Variants in CRIM1 observed in about 807,000 individuals in gnomAD.
CRIM1 encodes the protein cysteine rich transmembrane BMP regulator 1.
In CRIM1, 32 loss-of-function variants were observed where a neutral mutation model predicts 116.4. The ratio of observed to expected loss-of-function variants is 0.27; its 90% confidence interval spans 0.21 to 0.37. CRIM1 has a LOEUF of 0.37. Among genes scored for constraint, CRIM1 ranks in the 10% least tolerant of loss-of-function variants. The pLI, the probability that CRIM1 is intolerant of heterozygous loss-of-function variation, is 1.00. For synonymous variants in CRIM1, 590 were observed against 509.2 expected (o/e 1.16, Z -2.13); for missense variants, 1,331 against 1,354.8 (o/e 0.98, Z 0.28).
chr2:36,450,895 C>A (rs1189728623), intron 4 of CRIM1, among the ~76,000 whole-genome samples: 3 of 152,168 alleles, frequency 2.0e-5, no homozygotes, highest in Non-Finnish European at 4.4e-5. Context: ...CACACTGTTT[C>A]TTGTGAATAG....
chr2:36,492,470 CA>C (rs1558365476), intron 7 of CRIM1, among the ~76,000 whole-genome samples: 1 of 151,844 alleles, frequency 6.6e-6, no homozygotes. Context: ...TTTGTATCTT[CA>C]ATTTTTTTTT....
intron 1 of CRIM1, among the ~76,000 whole-genome samples, chr2:36,357,839 G>T (rs919569262): frequency 6.6e-6 from 1 of 152,180 alleles, no homozygotes; most frequent in Non-Finnish European, 1.5e-5. Context: ...GGTTTATTCC[G>T]AAGCATCTTT....
At chr2:36,366,742 G>A (rs1249343405) in intron 1 of CRIM1, among the ~76,000 whole-genome samples, 1 of 152,182 alleles carries the variant, frequency 6.6e-6, no homozygotes, top group Non-Finnish European at 1.5e-5. Context: ...TTATCCAAAG[G>A]CCACAGCAAA....
chr2:36,520,620 C>G (rs1254233685), intron 12 of CRIM1, among the ~76,000 whole-genome samples: 1 of 152,174 alleles, frequency 6.6e-6, no homozygotes, highest in African/African-American at 2.4e-5. Flanking sequence ...TGCCTGCTGC[C>G]TTTGGGACTA....
chr2:36,469,135 A>G (rs574258704), intron 5 of CRIM1, among the ~76,000 whole-genome samples: 13 of 152,140 alleles, frequency 8.5e-5, no homozygotes, highest in Non-Finnish European at 1.9e-4. Context: ...TCACAGCTCT[A>G]AACAAGTCAT....
At chr2:36,504,781 CCT>C in intron 8 of CRIM1, among the ~76,000 whole-genome samples, 1 of 152,242 alleles carries the variant, frequency 6.6e-6, no homozygotes, top group East Asian at 1.9e-4. Context: ...ACGTAATATA[CCT>C]GCTTACTACA....
At position 36,364,829 on chromosome 2, in the gene CRIM1, A is replaced by C. The variant is rs146807016; in HGVS notation, c.331+8206A>C. Among the ~76,000 whole-genome samples the C allele has an allele frequency of 2.0e-4, 31 of 152,224 alleles. No individual in the cohort carries two copies. The East Asian group carries it at 6.0e-3, about 29-fold the overall frequency. ...ATATGATTACATAGATGTATATATAAGATTGTGTGTGTGTGTGTATAGTAT... is the reference window on the plus strand; with the variant it reads ...ATATGATTACATAGATGTATATATACGATTGTGTGTGTGTGTGTATAGTAT... On this transcript the variant is annotated intron_variant, in intron 1 of 16. Transcript: ENST00000280527.
At chr2:36,545,434 T>C (rs1667252592) in intron 15 of CRIM1, among the ~76,000 whole-genome samples, 1 of 152,188 alleles carries the variant, frequency 6.6e-6, no homozygotes, top group South Asian at 2.1e-4. Flanking sequence ...GACTTCAACA[T>C]ACTGTAAGTA....
chr2:36,450,804 A>G (rs938711112), intron 4 of CRIM1, among the ~76,000 whole-genome samples: 4 of 152,256 alleles, frequency 2.6e-5, no homozygotes, highest in African/African-American at 4.8e-5. Context: ...AGCTGCTTCA[A>G]TTTGAAATTG....
intron 1 of CRIM1, among the ~76,000 whole-genome samples, chr2:36,381,660 G>A (rs1244702746): frequency 1.3e-5 from 2 of 152,304 alleles, no homozygotes; most frequent in Admixed American, 1.3e-4. Context: ...AGTGGCTCGT[G>A]CCTGTAATCC....
chr2:36,545,499 C>A (rs1667260718), intron 15 of CRIM1, among the ~76,000 whole-genome samples: 1 of 152,098 alleles, frequency 6.6e-6, no homozygotes, highest in African/African-American at 2.4e-5. Context: ...TGTTATAAAG[C>A]CCCTAAAGAG....
chr2:36,488,913 C>G (rs954670850), intron 7 of CRIM1, among the ~76,000 whole-genome samples: 1 of 152,138 alleles, frequency 6.6e-6, no homozygotes, highest in Non-Finnish European at 1.5e-5. Flanking sequence ...TTCACATTGG[C>G]TGCCGGAGCA....
At chr2:36,497,383 C>G (rs1680675463) in intron 7 of CRIM1, among the ~76,000 whole-genome samples, 1 of 152,108 alleles carries the variant, frequency 6.6e-6, no homozygotes, top group Non-Finnish European at 1.5e-5. Context: ...TTTGACAAAA[C>G]ATTGGCAGTC....
At chr2:36,490,276 G>C (rs1181099039) in intron 7 of CRIM1, among the ~76,000 whole-genome samples, 1 of 152,150 alleles carries the variant, frequency 6.6e-6, no homozygotes, top group Non-Finnish European at 1.5e-5. Context: ...TTACAGTATA[G>C]TCTTTTCTTG....
intron 10 of CRIM1, chr2:36,513,318 T>C: frequency 2.0e-6 from 1 of 508,454 alleles, no homozygotes; most frequent in Non-Finnish European, 3.5e-6. Context: ...GAATAAAAAA[T>C]CAGCGATCAT....
chr2:36,398,658 A>G (rs979104681), intron 2 of CRIM1, among the ~76,000 whole-genome samples: 1 of 152,188 alleles, frequency 6.6e-6, no homozygotes, highest in Non-Finnish European at 1.5e-5. Context: ...TATGTAATCC[A>G]AATGTGGAAT....
Position 36,469,572 on chromosome 2 carries a change from G to GC in CRIM1, c.991+4919dup, listed in dbSNP as rs772698996. Among the ~76,000 whole-genome samples the GC allele has an allele frequency of 2.0e-5, 3 of 152,254 alleles. No homozygotes were observed. In the East Asian group the frequency reaches 5.8e-4, roughly 29 times the overall value. ...ATGTGAAATCACCATTTAAAGGGGAGCCGTACCCAGCATCAGCTTGCTCCT... is the reference window on the plus strand; with the variant it reads ...ATGTGAAATCACCATTTAAAGGGGAGCCCGTACCCAGCATCAGCTTGCTCCT... On this transcript the variant is annotated intron_variant, in intron 5 of 16. Coordinates refer to ENST00000280527, the MANE Select transcript of CRIM1 (RefSeq NM_016441.3).
Position 36,512,347 on chromosome 2 carries a change from T to A in CRIM1, c.1733T>A (p.Leu578Ter). 1 of 1,613,904 alleles carries A rather than the reference T, an allele frequency of 6.2e-7. No homozygotes were observed. The highest frequency in any genetic ancestry group is 8.5e-7 in the Non-Finnish European group (1 of 1,179,778). ...CTCTCATGCAGTAAGATCTGCCCCT[T>A]GGGTTTCCAGCAGGACAGTCACGGC... ...PELSCSKICP[L>*]GFQQDSHGCL... Residue 578 changes from leucine (L) to a stop codon, truncating the protein, a stop_gained, in exon 10 of 17, where the codon TTG (leucine) becomes TAG (stop). Coordinates refer to ENST00000280527, the MANE Select transcript of CRIM1 (RefSeq NM_016441.3). LOFTEE classifies it high-confidence loss of function.
chr2:36,375,406 T>G (rs1179966879), intron 1 of CRIM1, among the ~76,000 whole-genome samples: 1 of 152,248 alleles, frequency 6.6e-6, no homozygotes, highest in African/African-American at 2.4e-5. Context: ...TATTTCAGGT[T>G]GATTTCTGCA....
Sources: gnomAD v4.1 joint callset for allele counts (sites outside exome capture counted in the v4.1 genomes callset) on GRCh38, gnomAD v4.1.1 for gene constraint, MANE v1.5 for transcripts, NCBI Gene and HGNC (gene_info 2026-07-23, HGNC 2026-07-21) for gene names.